ANXA10: variants seen among roughly 807,000 people sequenced by gnomAD.
ANXA10 encodes the protein annexin 14.
ANXA10 carries 49 observed loss-of-function variants against 53.5 expected under a neutral mutation model. That is an observed-to-expected ratio of 0.92 (90% confidence interval 0.73 to 1.16). The LOEUF is 1.16. Among genes scored for constraint, ANXA10 ranks in the 50% most tolerant of loss-of-function variants. The pLI is 0.00. For synonymous variants in ANXA10, 131 were observed against 128.9 expected (o/e 1.02, Z -0.11); for missense variants, 393 against 394.4 (o/e 1.00, Z 0.03).
intron 2 of ANXA10, among the ~76,000 whole-genome samples, chr4:168,128,733 C>G (rs1731112440): frequency 6.6e-6 from 1 of 152,042 alleles, no homozygotes; most frequent in Admixed American, 6.6e-5. Context: ...GCTCAATCAG[C>G]TATGCCAACC....
chr4:168,161,611 G>A (rs1731784755), intron 3 of ANXA10, among the ~76,000 whole-genome samples: 1 of 152,018 alleles, frequency 6.6e-6, no homozygotes, highest in Non-Finnish European at 1.5e-5. Flanking sequence ...ACATTAATGG[G>A]AGTTTAATGG....
chr4:168,094,113 A>G (rs933390792), intron 1 of ANXA10, among the ~76,000 whole-genome samples: 5 of 152,140 alleles, frequency 3.3e-5, no homozygotes, highest in Admixed American at 2.0e-4. Context: ...TGTGTGGTCT[A>G]ATGTTACTAT....
chr4:168,179,173 T>C, intron 8 of ANXA10, 44 bp from the exon 9 acceptor site: 1 of 1,178,698 alleles, frequency 8.5e-7, no homozygotes, highest in Non-Finnish European at 1.2e-6. Flanking sequence ...ATTTGTATTA[T>C]AATATTTTCA....
In ANXA10 at chr4:168,169,131, C is replaced by T. The variant is rs2149478499; in HGVS notation, c.480+3805C>T. Among the ~76,000 whole-genome samples the T allele has an allele frequency of 2.0e-5, 3 of 152,214 alleles. 1 individual carries two copies. In the Middle Eastern group the frequency reaches 0.01, roughly 518 times the overall value. ...TTTAATTTGTAACAGAAGTTGAGGT[C>T]ATTTGCAGAAAAATACATTTTCAAT... On this transcript the variant is annotated intron_variant, in intron 6 of 11. Coordinates refer to ENST00000359299, the MANE Select transcript of ANXA10 (RefSeq NM_007193.5).
At chr4:168,094,434 G>C (rs778179582) in intron 1 of ANXA10, among the ~76,000 whole-genome samples, 3 of 152,134 alleles carry the variant, frequency 2.0e-5, no homozygotes, top group African/African-American at 7.2e-5. Flanking sequence ...TCTATCTTAA[G>C]GTATATGACC....
At position 168,187,346 on chromosome 4, in the gene ANXA10, T is replaced by G. The variant is rs1326001343; in HGVS notation, c.907-20T>G. Reference sequence around the variant, plus strand: ...CTATTATGATATTTTATTTCAAATATATTATATTTTTCTTTTCAGAATTTT... The same window carrying G: ...CTATTATGATATTTTATTTCAAATAGATTATATTTTTCTTTTCAGAATTTT... On this transcript the variant is annotated intron_variant, in intron 11 of 11. Coordinates refer to ENST00000359299, the MANE Select transcript of ANXA10 (RefSeq NM_007193.5). 4 of 1,496,250 alleles carry G rather than the reference T, an allele frequency of 2.7e-6. No individual in the cohort carries two copies. The highest frequency in any genetic ancestry group is 1.8e-6 in the Non-Finnish European group (2 of 1,090,224). 92.7% of individuals were successfully genotyped at this position (1,496,250 alleles called of 1,614,324 possible).
intron 3 of ANXA10, among the ~76,000 whole-genome samples, chr4:168,155,831 TATATCATATATA>T (rs1349283214): frequency 0.06 from 490 of 8,120 alleles, 49 homozygotes; most frequent in Non-Finnish European, 0.085. Flanking sequence ...TGATATATGA[TATATCATATATA>T]ATATAATATA....
chr4:168,156,319 A>ATAT (rs1560784715), intron 3 of ANXA10, among the ~76,000 whole-genome samples: 4 of 97,944 alleles, frequency 4.1e-5, no homozygotes, highest in Admixed American at 1.2e-4. Flanking sequence ...AGTATATATA[A>ATAT]TATATAATAT....
intron 3 of ANXA10, among the ~76,000 whole-genome samples, chr4:168,155,957 TC>T (rs1731644595): frequency 2.9e-5 from 1 of 34,262 alleles, no homozygotes; most frequent in African/African-American, 1.5e-4. Flanking sequence ...ATATGATATA[TC>T]ATATATTATA....
chr4:168,178,096 AT>A, intron 8 of ANXA10, 113 bp downstream of exon 8: 1 of 929,576 alleles, frequency 1.1e-6, no homozygotes, highest in Non-Finnish European at 1.6e-6. Context: ...AAAGTCAGTT[AT>A]CTCAAAGGTA....
intron 3 of ANXA10, among the ~76,000 whole-genome samples, chr4:168,150,342 C>G (rs978893403): frequency 5.3e-5 from 8 of 152,152 alleles, no homozygotes; most frequent in African/African-American, 1.9e-4. Flanking sequence ...TAAAATGAAG[C>G]TATTCGAAAG....
chr4:168,092,858 A>G lies in ANXA10; in HGVS notation c.18+140A>G, dbSNP rs929835621. 4.1e-5 allele frequency: 27 copies of G among 657,756 alleles called. No individual in the cohort carries two copies. The South Asian group carries it at 4.2e-4, about 10-fold the overall frequency. The allele number at this position is 657,756 out of a possible 1,614,324, so 40.7% of individuals were successfully genotyped here. On this transcript the variant is annotated intron_variant, in intron 1 of 11. Transcript: ENST00000359299. ...ATTCTTACTACTTTCTTACTATTTT[A>G]TGCCCATTTTTTGAAAGAAACATTT...
At chr4:168,180,962 T>C (rs1461967011) in intron 9 of ANXA10, among the ~76,000 whole-genome samples, 2 of 152,034 alleles carry the variant, frequency 1.3e-5, no homozygotes, top group Non-Finnish European at 2.9e-5. Context: ...CCTTAAGAGA[T>C]TTCAGGTCTA....
chr4:168,119,940 T>G (rs1477955105), intron 1 of ANXA10, among the ~76,000 whole-genome samples: 2 of 152,142 alleles, frequency 1.3e-5, no homozygotes, highest in Non-Finnish European at 2.9e-5. Flanking sequence ...ACTAAGTTGC[T>G]GTATTGCCAC....
intron 1 of ANXA10, among the ~76,000 whole-genome samples, chr4:168,103,275 T>C (rs1411343133): frequency 6.6e-6 from 1 of 152,020 alleles, no homozygotes; most frequent in Non-Finnish European, 1.5e-5. Flanking sequence ...TATATTTTTC[T>C]TCTAGAAGTT....
In ANXA10 at chr4:168,179,210, G is replaced by T; in HGVS notation, c.629-7G>T. The T allele has an allele frequency of 6.4e-7, 1 of 1,569,074 alleles. No individual in the cohort carries two copies. ...AATCTCCTTTGAATTACATCAATTT[G>T]TTAAAGTTTTCCAGGAATTTCAAAA... On this transcript the variant is annotated splice_polypyrimidine_tract_variant and splice_region_variant and intron_variant, in intron 8 of 11. Transcript: ENST00000359299.
chr4:168,141,776 T>C lies in ANXA10; in HGVS notation c.195+2196T>C, dbSNP rs529027943. On this transcript the variant is annotated intron_variant, in intron 3 of 11. Transcript: ENST00000359299. The stretch of plus-strand genomic sequence containing the variant: ...AGTCCTGGGTTGGGTTTTTATAACA[T>C]TGGATTTTTCTTCACGTTCCCTGCT... Among the ~76,000 whole-genome samples the C allele has an allele frequency of 2.6e-5, 4 of 152,234 alleles. No homozygotes were observed. In the South Asian group the frequency reaches 6.2e-4, roughly 24 times the overall value.
chr4:168,125,431 C>T (rs1731052086), intron 1 of ANXA10, among the ~76,000 whole-genome samples: 1 of 152,102 alleles, frequency 6.6e-6, no homozygotes, highest in Admixed American at 6.6e-5. Context: ...GCCTAGCTGA[C>T]ATTTCAAACT....
At chr4:168,173,857 C>T (rs182321849) in intron 6 of ANXA10, among the ~76,000 whole-genome samples, 3 of 152,240 alleles carry the variant, frequency 2.0e-5, no homozygotes, top group African/African-American at 4.8e-5. Context: ...TACACTGTTG[C>T]GCCCATCTTT....
Sources: allele counts gnomAD v4.1 joint callset (sites outside exome capture counted in the v4.1 genomes callset), GRCh38; gene constraint gnomAD v4.1.1; transcripts MANE v1.5; gene names NCBI Gene and HGNC (gene_info 2026-07-23, HGNC 2026-07-21).